Variants in RPAP2 observed in about 807,000 individuals in gnomAD.
RPAP2 encodes the protein putative RNA polymerase II subunit B1 CTD phosphatase RPAP2.
In RPAP2, 52 loss-of-function variants were observed where a neutral mutation model predicts 73.1. That is an observed-to-expected ratio of 0.71 (90% CI 0.57 to 0.90). RPAP2 has a LOEUF of 0.90. Among genes scored for constraint, RPAP2 ranks in the 40% least tolerant of loss-of-function variants. The pLI is 0.00. For synonymous variants in RPAP2, 225 were observed against 242.1 expected, an observed-to-expected ratio of 0.93 and a Z score of 0.65; for missense variants, 598 against 701.8, an observed-to-expected ratio of 0.85 and a Z score of 1.67.
intron 6 of RPAP2, among the ~76,000 whole-genome samples, chr1:92,316,002 C>T (rs11166542): frequency 0.096 from 14,604 of 152,244 alleles, 2,010 homozygotes; most frequent in African/African-American, 0.31. Context: ...AGTGTGCTCA[C>T]ATAGGTAATT....
intron 6 of RPAP2, among the ~76,000 whole-genome samples, chr1:92,309,472 T>G (rs572458119): frequency 1.6e-3 from 239 of 151,236 alleles, no homozygotes; most frequent in African/African-American, 5.5e-3. Flanking sequence ...GTTTCTCTAA[T>G]CTAAATGAAT....
chr1:92,306,848 A>T (rs1651274619), intron 5 of RPAP2, among the ~76,000 whole-genome samples: 1 of 152,240 alleles, frequency 6.6e-6, no homozygotes. Context: ...AAGAATGTAT[A>T]ACAATATTAT....
At chr1:92,313,658 C>A (rs1047729782) in intron 6 of RPAP2, among the ~76,000 whole-genome samples, 1 of 152,156 alleles carries the variant, frequency 6.6e-6, no homozygotes, top group African/African-American at 2.4e-5. Context: ...TAGCCCCTAA[C>A]AAGAGAGTCA....
chr1:92,303,989 A>T lies in RPAP2; in HGVS notation c.247A>T (p.Thr83Ser). Residue 83 changes from threonine to serine, a missense_variant, in exon 4 of 13, where the codon ACA becomes TCA. Physicochemically the swap from Thr to Ser is moderately conservative, Grantham distance 58. Around this residue, in one of 3 missense-constraint regions of RPAP2, gnomAD observed 506 missense variants for 612.8 expected, o/e 0.83. Transcript: ENST00000610020. ...CATTTCATTTTAGGGGAGGTTCATT[A>T]CACCTGCTCACTACAGTGATGTCGT... The part of the protein sequence containing the change: ...EFLMECGRFI[T>S]PAHYSDVVDE... 1.9e-6 allele frequency: 3 copies of T among 1,607,022 alleles called. 1 individual carries two copies. The South Asian group carries it at 3.4e-5, about 18-fold the overall frequency.
chr1:92,375,762 C>G (rs187198685), intron 11 of RPAP2, among the ~76,000 whole-genome samples: 3 of 152,042 alleles, frequency 2.0e-5, no homozygotes, highest in African/African-American at 7.2e-5. Flanking sequence ...ACCCAAGAGG[C>G]GGAGGTTGCA....
At chr1:92,382,846 G>A (rs1365669067) in intron 12 of RPAP2, among the ~76,000 whole-genome samples, 1 of 152,032 alleles carries the variant, frequency 6.6e-6, no homozygotes, top group East Asian at 1.9e-4. Flanking sequence ...CCTTGCCCAT[G>A]CCTATGTCCT....
At chr1:92,359,960 ACT>A (rs1216814944) in intron 11 of RPAP2, among the ~76,000 whole-genome samples, 1 of 151,012 alleles carries the variant, frequency 6.6e-6, no homozygotes, top group Non-Finnish European at 1.5e-5. Context: ...ACACTGCTAG[ACT>A]CTACATTATT....
intron 11 of RPAP2, among the ~76,000 whole-genome samples, chr1:92,366,999 T>C (rs551025587): frequency 6.6e-6 from 1 of 152,258 alleles, no homozygotes; most frequent in African/African-American, 2.4e-5. Context: ...AAAATATGGG[T>C]AAGGTGACAG....
chr1:92,401,163 CAAG>C lies in RPAP2; in HGVS notation c.*14154_*14156del, dbSNP rs1446804181. The C allele has an allele frequency of 6.6e-6, 1 of 152,200 alleles. No individual in the cohort carries two copies. The highest frequency in any genetic ancestry group is 1.9e-4 in the East Asian group (1 of 5,198). The allele number at this position is 152,200 out of a possible 1,614,324, so 9.4% of individuals were successfully genotyped here. On this transcript the variant is annotated 3_prime_UTR_variant, in exon 13 of 13. Coordinates refer to ENST00000610020, the MANE Select transcript of RPAP2 (RefSeq NM_024813.3). ...GGGGATCACAATTTGGATTACAATT[CAAG>C]ATGAGATTTGGGTGAGGACACAGAG... is the stretch of plus-strand genomic sequence containing the variant.
chr1:92,303,729 A>G (rs2101103886), intron 3 of RPAP2, among the ~76,000 whole-genome samples: 1 of 152,324 alleles, frequency 6.6e-6, no homozygotes, highest in East Asian at 1.9e-4. Flanking sequence ...TATATAATCT[A>G]CAAAGATGCA....
chr1:92,299,202 G>A, intron 1 of RPAP2, 56 bp downstream of exon 1: 2 of 1,159,650 alleles, frequency 1.7e-6, no homozygotes, highest in Non-Finnish European at 1.2e-6. Context: ...CCCCGATCTC[G>A]AGTTATAGAC....
In RPAP2 at chr1:92,391,525, C is replaced by G. The variant is rs1189180813; in HGVS notation, c.*4514C>G. 6.6e-6 allele frequency: 1 copy of G among 152,136 alleles called. No homozygotes were observed. The highest frequency in any genetic ancestry group is 1.5e-5 in the Non-Finnish European group (1 of 68,020). The allele number at this position is 152,136 out of a possible 1,614,324, so 9.4% of individuals were successfully genotyped here. A position where few individuals can be genotyped will look rare whatever the true frequency, so the allele number is the denominator to read the frequency against. ...AAAGCTAGCAGAAGGCAAGAAATAA[C>G]TAAGATCAGAGCAGAACTGAAGGAG... On this transcript the variant is annotated 3_prime_UTR_variant, in exon 13 of 13. Transcript: ENST00000610020.
At chr1:92,350,898 C>T (rs1326865808) in intron 11 of RPAP2, among the ~76,000 whole-genome samples, 1 of 152,136 alleles carries the variant, frequency 6.6e-6, no homozygotes, top group African/African-American at 2.4e-5. Context: ...CACCACTGCA[C>T]TCCAGCCTGG....
intron 11 of RPAP2, among the ~76,000 whole-genome samples, chr1:92,354,897 A>G (rs1440299117): frequency 5.4e-5 from 8 of 148,590 alleles, no homozygotes; most frequent in African/African-American, 2.0e-4. Flanking sequence ...GTAAATTATT[A>G]TTATTATTAT....
At position 92,320,627 on chromosome 1, in the gene RPAP2, G is replaced by A. The variant is rs1198658519; in HGVS notation, c.517G>A (p.Glu173Lys). 3 of 1,609,384 alleles carry A rather than the reference G, an allele frequency of 1.9e-6. No individual in the cohort carries two copies. Among genetic ancestry groups the A allele is most frequent in the Non-Finnish European group, 2.6e-6 (3 of 1,176,196 alleles). Residue 173 changes from glutamate (E) to lysine (K), a missense_variant, in exon 7 of 13, where the codon GAA (glutamate) becomes AAA (lysine). By Grantham distance (56) the Glu-to-Lys change is moderately conservative. Around this residue, in one of 3 missense-constraint regions of RPAP2, gnomAD observed 506 missense variants for 612.8 expected, o/e 0.83. Coordinates refer to ENST00000610020, the MANE Select transcript of RPAP2 (RefSeq NM_024813.3). ...RHPDFQLLKE[E>K]QSGHSGEEVQ... is the part of the protein sequence containing the mutation. ...TCCTGATTTTCAACTGCTAAAGGAA[G>A]AACAAAGGTATGGTTGAATCAGTAT...
At chr1:92,335,787 C>T (rs778080483) in intron 9 of RPAP2, among the ~76,000 whole-genome samples, 3 of 152,018 alleles carry the variant, frequency 2.0e-5, no homozygotes, top group Non-Finnish European at 2.9e-5. Context: ...CCTATTGATA[C>T]ACATTTGTTT....
chr1:92,373,756 A>T (rs1187216595), intron 11 of RPAP2, among the ~76,000 whole-genome samples: 10 of 146,826 alleles, frequency 6.8e-5, no homozygotes, highest in South Asian at 2.2e-4. Context: ...AAAAAAAAAA[A>T]AAAAAAAAAA....
Position 92,376,943 on chromosome 1 carries a change from C to A in RPAP2, c.1689-3781C>A, listed in dbSNP as rs147209228. Among the ~76,000 whole-genome samples the A allele has an allele frequency of 2.5e-3, 383 of 152,234 alleles. 3 individuals are homozygous for A. The highest frequency in any genetic ancestry group is 9.3e-3 in the South Asian group (45 of 4,818). ...CTTGTCTGTTAAATGGAGGTGACAA[C>A]TACATCCTTAGGATCTCTGTACATT... On this transcript the variant is annotated intron_variant, in intron 11 of 12. Coordinates refer to ENST00000610020, the MANE Select transcript of RPAP2 (RefSeq NM_024813.3).
intron 7 of RPAP2, 83 bp downstream of exon 7, chr1:92,320,717 T>C: frequency 9.3e-7 from 1 of 1,070,296 alleles, no homozygotes; most frequent in Non-Finnish European, 1.4e-6. Context: ...TATGAGCTCT[T>C]GGACTTCCTG....
Sources: allele counts gnomAD v4.1 joint callset (sites outside exome capture counted in the v4.1 genomes callset), GRCh38; gene constraint gnomAD v4.1.1; regional missense constraint gnomAD v4.1.1; transcripts MANE v1.5; gene names NCBI Gene and HGNC (gene_info 2026-07-23, HGNC 2026-07-21).